The following FSCN3 variants were observed in gnomAD, a reference collection of about 807,000 sequenced individuals.
FSCN3 encodes the protein fascin-3.
In FSCN3, 43 loss-of-function variants were observed where a neutral mutation model predicts 53.5. The observed-to-expected ratio is 0.80, with a 90% CI of 0.63 to 1.04. The LOEUF is 1.04. Among genes scored for constraint, FSCN3 ranks in the 50% least tolerant of loss-of-function variants. The probability of loss-of-function intolerance (pLI) is 0.00; values close to 1 mark genes in which losing one functional copy is unlikely to be tolerated. For synonymous variants in FSCN3, 235 were observed against 246.6 expected (o/e 0.95, Z 0.44); for missense variants, 594 against 646.5 (o/e 0.92, Z 0.88).
chr7:127,593,762 A>ACAGGCCCTATTC lies in FSCN3; in HGVS notation c.-81_-70dup. On this transcript the variant is annotated 5_prime_UTR_variant, in exon 1 of 7. In the 5' UTR this introduces an upstream ATG that the reference lacks. Coordinates refer to ENST00000265825, the MANE Select transcript of FSCN3 (RefSeq NM_020369.3). ...TCTCTGGGAACATCTGGTGGGTACT[A>ACAGGCCCTATTC]CAGGCCCTATTCCAGGCCCTATGGC... 2.1e-6 allele frequency: 3 copies of ACAGGCCCTATTC among 1,416,182 alleles called. No individual in the cohort carries two copies. The highest frequency in any genetic ancestry group is 2.5e-5 in the East Asian group (1 of 40,120). The allele number at this position is 1,416,182 out of a possible 1,614,324, so 87.7% of individuals were successfully genotyped here.
rs760881450 is a variant in FSCN3, at chr7:127,595,820, C to A, written c.658C>A (p.Arg220=). 1.4e-5 allele frequency: 22 copies of A among 1,613,170 alleles called. No homozygotes were observed. The highest frequency in any genetic ancestry group is 1.9e-5 in the Non-Finnish European group (22 of 1,179,480). The change falls in exon 2 of 7, where the codon CGG becomes AGG. Residue 220 remains arginine (R), a synonymous_variant. Coordinates refer to ENST00000265825, the MANE Select transcript of FSCN3 (RefSeq NM_020369.3). ...SSQTAFHMQV[R]PGGLVALCDG... ...ACAGACAGCTTTTCACATGCAAGTG[C>A]GGCCTGGAGGGCTTGTGGCACTGTG...
intron 4 of FSCN3, 96 bp from the exon 5 acceptor site, chr7:127,599,285 C>T (rs577005072): frequency 1.1e-6 from 1 of 879,310 alleles, no homozygotes; most frequent in African/African-American, 1.6e-5. Flanking sequence ...AAAATATTGA[C>T]CACACCCTTC....
chr7:127,594,065 CGCGCGTGTGT>C (rs1360484398), intron 1 of FSCN3, 68 bp downstream of exon 1: 23 of 1,522,516 alleles, frequency 1.5e-5, no homozygotes, highest in Admixed American at 5.6e-5. Context: ...TGTGTGCGCG[CGCGCGTGTGT>C]GTGCGTGAGT....
chr7:127,595,614 C>G lies in FSCN3; in HGVS notation c.452C>G (p.Pro151Arg). 1 of 1,614,102 alleles carries G rather than the reference C, an allele frequency of 6.2e-7. No homozygotes were observed. Among genetic ancestry groups the G allele is most frequent in the South Asian group, 1.1e-5 (1 of 91,076 alleles). ...ALHVHVILYS[P>R]IHRCYARADP... ...CATGTCCACGTGATCCTCTACAGCC[C>G]CATCCACCGCTGCTATGCCCGGGCT... is the stretch of plus-strand genomic sequence containing the variant. The change falls in exon 2 of 7, where the codon CCC (proline) becomes CGC (arginine). Residue 151 changes from proline (P) to arginine (R), a missense_variant. Coordinates refer to ENST00000265825, the MANE Select transcript of FSCN3 (RefSeq NM_020369.3).
chr7:127,597,173 G>T (rs1794401828), intron 3 of FSCN3, among the ~76,000 whole-genome samples: 1 of 152,172 alleles, frequency 6.6e-6, no homozygotes, highest in Non-Finnish European at 1.5e-5. Flanking sequence ...GAATAAAGTT[G>T]CTATAAGCAT....
At position 127,595,607 on chromosome 7, in the gene FSCN3, T is replaced by C. The variant is rs769591572; in HGVS notation, c.445T>C (p.Tyr149His). 1 of 1,614,072 alleles carries C rather than the reference T, an allele frequency of 6.2e-7. No individual in the cohort carries two copies. Among genetic ancestry groups the C allele is most frequent in the South Asian group, 1.1e-5 (1 of 91,060 alleles). Residue 149 changes from tyrosine (Y) to histidine (H), a missense_variant, in exon 2 of 7, where the codon TAC becomes CAC. Physicochemically the swap from Tyr to His is moderately conservative, Grantham distance 83. Coordinates refer to ENST00000265825, the MANE Select transcript of FSCN3 (RefSeq NM_020369.3). ...RPALHVHVIL[Y>H]SPIHRCYARA... The stretch of plus-strand genomic sequence containing the variant: ...AGCCCTCCATGTCCACGTGATCCTC[T>C]ACAGCCCCATCCACCGCTGCTATGC...
chr7:127,596,212 G>A, intron 2 of FSCN3, 116 bp from the exon 3 acceptor site: 1 of 1,524,842 alleles, frequency 6.6e-7, no homozygotes, highest in Non-Finnish European at 8.8e-7. Context: ...GACCTACCAT[G>A]GTCCAACAGA....
intron 2 of FSCN3, 42 bp downstream of exon 2, chr7:127,596,045 G>C (rs1456979011): frequency 6.6e-7 from 1 of 1,510,818 alleles, no homozygotes; most frequent in Non-Finnish European, 8.8e-7. Context: ...GAGAGGGCTG[G>C]CTGTTAAAAA....
intron 1 of FSCN3, chr7:127,594,936 C>T (rs806213): frequency 0.024 from 11,077 of 467,166 alleles, 174 homozygotes; most frequent in Non-Finnish European, 0.033. Context: ...GTGCTCTCTG[C>T]GGACAACAGT....
chr7:127,595,929 G>A lies in FSCN3; in HGVS notation c.767G>A (p.Trp256Ter), dbSNP rs1426254470. Reference sequence around the variant, plus strand: ...TGCAACCCCATGAGGGGTGAGGAGTGGTTCATCCTACAGCACTGCCCAACC... The same window carrying A: ...TGCAACCCCATGAGGGGTGAGGAGTAGTTCATCCTACAGCACTGCCCAACC... Reference protein sequence around the residue: ...MGCNPMRGEEWFILQHCPTWV... With the variant: ...MGCNPMRGEE The change falls in exon 2 of 7, where the codon TGG becomes TAG. Residue 256 changes from tryptophan to a stop codon, truncating the protein, a stop_gained. Coordinates refer to ENST00000265825, the MANE Select transcript of FSCN3 (RefSeq NM_020369.3). LOFTEE classifies it high-confidence loss of function. 5 of 1,607,482 alleles carry A rather than the reference G, an allele frequency of 3.1e-6. No homozygotes were observed. Among genetic ancestry groups the A allele is most frequent in the Non-Finnish European group, 3.4e-6 (4 of 1,176,530 alleles).
In FSCN3 at chr7:127,595,604, C is replaced by T. The variant is rs759314636; in HGVS notation, c.442C>T (p.Leu148Phe). ...ACCAGCCCTCCATGTCCACGTGATC[C>T]TCTACAGCCCCATCCACCGCTGCTA... ...PRPALHVHVI[L>F]YSPIHRCYAR... The change falls in exon 2 of 7, where the codon CTC (leucine) becomes TTC (phenylalanine). Residue 148 changes from leucine to phenylalanine, a missense_variant. Transcript: ENST00000265825. The T allele has an allele frequency of 1.1e-4, 181 of 1,613,970 alleles. 1 individual carries two copies. Among genetic ancestry groups the T allele is most frequent in the Non-Finnish European group, 9.6e-5 (113 of 1,179,976 alleles).
intron 3 of FSCN3, 79 bp downstream of exon 3, chr7:127,596,525 G>A: frequency 1.5e-6 from 1 of 651,272 alleles, no homozygotes; most frequent in Non-Finnish European, 2.8e-6. Context: ...CCTTTTTCAA[G>A]GCAAATGATG....
At chr7:127,598,645 A>G in intron 4 of FSCN3, 51 bp downstream of exon 4, 1 of 1,466,940 alleles carries the variant, frequency 6.8e-7, no homozygotes, top group Non-Finnish European at 9.4e-7. Context: ...GGAGAACTTT[A>G]GAGGGAGGTG....
At chr7:127,601,427 A>G (rs1294274243) in intron 6 of FSCN3, among the ~76,000 whole-genome samples, 196 bp from the exon 7 acceptor site, 1 of 152,204 alleles carries the variant, frequency 6.6e-6, no homozygotes, top group East Asian at 1.9e-4. Context: ...CATCACACAG[A>G]CCTGGAATCA....
At chr7:127,595,109 G>A in intron 1 of FSCN3, 198 bp from the exon 2 acceptor site, 1 of 606,600 alleles carries the variant, frequency 1.6e-6, no homozygotes, top group African/African-American at 1.8e-5. Context: ...GGGTGGAAGG[G>A]CCCAGAGATC....
intron 4 of FSCN3, 115 bp from the exon 5 acceptor site, chr7:127,599,266 T>C (rs1282639478): frequency 1.3e-5 from 10 of 766,576 alleles, no homozygotes; most frequent in African/African-American, 3.4e-5. Flanking sequence ...TAGGTGTTCA[T>C]TCACTGTTAA....
rs753840368 is a variant in FSCN3 at position 127,595,486 on chromosome 7, G to A, written c.324G>A (p.Gln108=). The change falls in exon 2 of 7, where the codon CAG becomes CAA. Residue 108 remains glutamine, a synonymous_variant. Coordinates refer to ENST00000265825, the MANE Select transcript of FSCN3 (RefSeq NM_020369.3). ...RFHRNSKWTL[Q]CLISGRYLES... ...ACCGGAACAGCAAGTGGACCCTCCA[G>A]TGCCTAATCTCTGGTCGTTATTTGG... is the stretch of plus-strand genomic sequence containing the variant. 8 of 1,614,178 alleles carry A rather than the reference G, an allele frequency of 5.0e-6. No homozygotes were observed. The highest frequency in any genetic ancestry group is 6.8e-6 in the Non-Finnish European group (8 of 1,180,022).
chr7:127,593,801 C>A lies in FSCN3; in HGVS notation c.-53C>A. The A allele has an allele frequency of 6.5e-7, 1 of 1,548,316 alleles. No individual in the cohort carries two copies. The highest frequency in any genetic ancestry group is 8.7e-7 in the Non-Finnish European group (1 of 1,144,846). On this transcript the variant is annotated 5_prime_UTR_variant, in exon 1 of 7. Transcript: ENST00000265825. ...AGGCCCTATGGCCTGTGGAACCTCA[C>A]CACGGGGGGGAGGGCTGGGCCAGAC...
intron 3 of FSCN3, 145 bp downstream of exon 3, chr7:127,596,591 T>TG: frequency 4.3e-6 from 2 of 463,224 alleles, no homozygotes; most frequent in Non-Finnish European, 7.7e-6. Context: ...TTTCACCCAA[T>TG]GGGGGCTCCT....
Sources: allele counts gnomAD v4.1 joint callset (sites outside exome capture counted in the v4.1 genomes callset), GRCh38; gene constraint gnomAD v4.1.1; transcripts MANE v1.5; gene names NCBI Gene and HGNC (gene_info 2026-07-23, HGNC 2026-07-21).